The following SPIRE2 variants were observed in gnomAD, a reference collection of about 807,000 sequenced individuals.
SPIRE2 encodes protein spire homolog 2.
Under a neutral mutation model 80.7 loss-of-function variants are expected in SPIRE2, and 76 were observed. The observed-to-expected ratio is 0.94, with a 90% CI of 0.78 to 1.14. SPIRE2 has a LOEUF of 1.14. Ranked by LOEUF, SPIRE2 falls within the 50% of genes most tolerant of loss-of-function variation. The pLI is 0.00. For synonymous variants in SPIRE2, 535 were observed against 432.6 expected, an observed-to-expected ratio of 1.24 and a Z score of -2.94; for missense variants, 1,196 against 1,015.3, an observed-to-expected ratio of 1.18 and a Z score of -2.42.
chr16:89,835,145 C>T (rs1395940452), intron 1 of SPIRE2, among the ~76,000 whole-genome samples: 1 of 150,472 alleles, frequency 6.6e-6, no homozygotes, highest in East Asian at 2.0e-4. Context: ...CCTGCCCGCA[C>T]TCACGGTTGG....
Position 89,828,811 on chromosome 16 carries a change from G to A in SPIRE2, c.244+17G>A. On this transcript the variant is annotated intron_variant, in intron 1 of 14. Coordinates refer to ENST00000378247, the MANE Select transcript of SPIRE2 (RefSeq NM_032451.2). This position sits in a 1 kb window ranked among gnomAD's most constrained non-coding sequence, Gnocchi z 5.9. ...AGGCCGCGGGTGAGGCCGGGGGCGGGGCAGCCGGCGGGGACCGCGGTCTGG... is the reference window on the plus strand; with the variant it reads ...AGGCCGCGGGTGAGGCCGGGGGCGGAGCAGCCGGCGGGGACCGCGGTCTGG... 1 of 1,176,284 alleles carries A rather than the reference G, an allele frequency of 8.5e-7. No individual in the cohort carries two copies. The highest frequency in any genetic ancestry group is 1.1e-6 in the Non-Finnish European group (1 of 952,078). 72.9% of individuals were successfully genotyped at this position (1,176,284 alleles called of 1,614,324 possible).
At chr16:89,868,307 C>T in intron 13 of SPIRE2, 91 bp downstream of exon 13, 1 of 1,266,096 alleles carries the variant, frequency 7.9e-7, no homozygotes. Flanking sequence ...TGCTGCCTCA[C>T]CAGGCACCTC....
chr16:89,858,654 TAGG>T lies in SPIRE2; in HGVS notation c.1272+154_1272+156del, dbSNP rs531308172. ...CTCCCTTGAAACTGACATCCTGCCG[TAGG>T]AGGAGGCCTGTGGGGATCGGGGACC... On this transcript the variant is annotated intron_variant, in intron 8 of 14. Transcript: ENST00000378247. The T allele has an allele frequency of 2.1e-5, 16 of 767,138 alleles. No individual in the cohort carries two copies. The Middle Eastern group carries it at 1.5e-3, about 74-fold the overall frequency. The allele number at this position is 767,138 out of a possible 1,614,324, so 47.5% of individuals were successfully genotyped here. A position where few individuals can be genotyped will look rare whatever the true frequency, so the allele number is the denominator to read the frequency against.
intron 2 of SPIRE2, among the ~76,000 whole-genome samples, chr16:89,849,416 C>A (rs2041599650): frequency 6.6e-6 from 1 of 152,150 alleles, no homozygotes; most frequent in South Asian, 2.1e-4. Flanking sequence ...ACGTGATGTG[C>A]AGGGCCCGGC....
At chr16:89,837,040 T>C (rs1414298874) in intron 1 of SPIRE2, among the ~76,000 whole-genome samples, 1 of 152,080 alleles carries the variant, frequency 6.6e-6, no homozygotes, top group Non-Finnish European at 1.5e-5. Context: ...TCTGTAGGTC[T>C]TTGCAGGCCC....
chr16:89,869,758 G>A (rs1268053736), intron 14 of SPIRE2, 76 bp downstream of exon 14: 2 of 1,175,188 alleles, frequency 1.7e-6, no homozygotes, highest in Middle Eastern at 4.0e-4. Flanking sequence ...GGGGTGGAGG[G>A]GGCTGGCTTT....
At chr16:89,859,379 A>C in intron 9 of SPIRE2, 25 bp downstream of exon 9, 1 of 1,425,292 alleles carries the variant, frequency 7.0e-7, no homozygotes, top group Non-Finnish European at 9.2e-7. Context: ...TCACCCCCGT[A>C]CCCTCCTTCG....
chr16:89,848,318 G>A (rs2041583757), intron 2 of SPIRE2, among the ~76,000 whole-genome samples: 1 of 152,244 alleles, frequency 6.6e-6, no homozygotes, highest in South Asian at 2.1e-4. Flanking sequence ...CTTGATTCTA[G>A]GATGTGTCTT....
At chr16:89,831,767 G>C (rs2041385703) in intron 1 of SPIRE2, among the ~76,000 whole-genome samples, 1 of 151,070 alleles carries the variant, frequency 6.6e-6, no homozygotes, top group African/African-American at 2.4e-5. Context: ...TGGTCCTCCA[G>C]GTATCCCCCG....
At chr16:89,852,681 T>C (rs76254648) in intron 3 of SPIRE2, among the ~76,000 whole-genome samples, 6 of 43,232 alleles carry the variant, frequency 1.4e-4, no homozygotes, top group Admixed American at 3.2e-4. Context: ...ATCCGTCTTC[T>C]CTCTCACCCC....
Position 89,868,355 on chromosome 16 carries a change from T to C in SPIRE2, c.1806+139T>C, listed in dbSNP as rs1451320092. The C allele has an allele frequency of 3.2e-6, 3 of 924,084 alleles. No homozygotes were observed. The African/African-American group carries it at 5.0e-5, about 15-fold the overall frequency. 57.2% of individuals were successfully genotyped at this position (924,084 alleles called of 1,614,324 possible). ...TCAGGCAGAATCCATTCCTATACTTTCCAAGATAGTGTGCAGTTTTTAAAG... is the reference window on the plus strand; with the variant it reads ...TCAGGCAGAATCCATTCCTATACTTCCCAAGATAGTGTGCAGTTTTTAAAG... On this transcript the variant is annotated intron_variant, in intron 13 of 14. Transcript: ENST00000378247.
intron 12 of SPIRE2, 89 bp from the exon 13 acceptor site, chr16:89,868,100 C>T (rs1187249887): frequency 9.1e-6 from 13 of 1,424,456 alleles, no homozygotes; most frequent in South Asian, 4.6e-5. Flanking sequence ...GGTTTGACCT[C>T]GGATGCGTGG....
Position 89,870,034 on chromosome 16 carries a change from C to T in SPIRE2, c.1923-16C>T. 4 of 1,607,228 alleles carry T rather than the reference C, an allele frequency of 2.5e-6. No homozygotes were observed. The highest frequency in any genetic ancestry group is 2.7e-5 in the African/African-American group (2 of 74,886). ...TGGCTGGCTCCTCTCCCTGAGTGCCCTCTCCCACTTCCCAGGTCTCTGCAA... is the reference window on the plus strand; with the variant it reads ...TGGCTGGCTCCTCTCCCTGAGTGCCTTCTCCCACTTCCCAGGTCTCTGCAA... On this transcript the variant is annotated splice_polypyrimidine_tract_variant and intron_variant, in intron 14 of 14. Transcript: ENST00000378247.
At chr16:89,856,649 G>A (rs901378030) in intron 7 of SPIRE2, among the ~76,000 whole-genome samples, 2 of 149,274 alleles carry the variant, frequency 1.3e-5, no homozygotes, top group Non-Finnish European at 3.0e-5. Context: ...TAGTAGAGAC[G>A]GGGTTTCACC....
In SPIRE2 at chr16:89,842,229, T is replaced by TTTTTTTTTTTC. The variant is rs1299656862; in HGVS notation, c.245-3092_245-3091insTTTTTTTTTCT. On this transcript the variant is annotated intron_variant, in intron 1 of 14. Transcript: ENST00000378247. Reference sequence around the variant, plus strand: ...CGTAATTTTTTTTTTTTTTTTTTTTTTGTGACGGAGTCTCACTCTGTTGCC... The same window carrying TTTTTTTTTTTC: ...CGTAATTTTTTTTTTTTTTTTTTTTTTTTTTTTTTTCTGTGACGGAGTCTCACTCTGTTGCC... 3.6e-5 allele frequency among the ~76,000 whole-genome samples: 5 copies of TTTTTTTTTTTC among 137,480 alleles called. 1 individual carries two copies. Among genetic ancestry groups the TTTTTTTTTTTC allele is most frequent in the African/African-American group, 1.2e-4 (4 of 33,044 alleles). 90.2% of individuals were successfully genotyped at this position (137,480 alleles called of 152,430 possible). A position where few individuals can be genotyped will look rare whatever the true frequency, so the allele number is the denominator to read the frequency against.
chr16:89,860,980 G>C (rs910767887), intron 10 of SPIRE2, among the ~76,000 whole-genome samples, 185 bp downstream of exon 10: 1 of 152,144 alleles, frequency 6.6e-6, no homozygotes, highest in African/African-American at 2.4e-5. Context: ...GTCTGGGGCC[G>C]TGGTCTCTGC....
At chr16:89,837,713 G>A (rs2041463697) in intron 1 of SPIRE2, among the ~76,000 whole-genome samples, 1 of 152,088 alleles carries the variant, frequency 6.6e-6, no homozygotes, top group Admixed American at 6.6e-5. Context: ...CCGGACTCGG[G>A]TCTCCGCAGG....
At chr16:89,836,047 C>T (rs1182399005) in intron 1 of SPIRE2, among the ~76,000 whole-genome samples, 5 of 152,124 alleles carry the variant, frequency 3.3e-5, no homozygotes, top group Admixed American at 6.6e-5. Flanking sequence ...TGGTGGCGGG[C>T]GTCTGTAGTC....
chr16:89,845,419 A>T, intron 2 of SPIRE2, 54 bp downstream of exon 2: 12 of 1,434,886 alleles, frequency 8.4e-6, no homozygotes, highest in Non-Finnish European at 1.2e-5. Flanking sequence ...ACGTACCTGC[A>T]TCTTAAAATG....
Sources: allele counts gnomAD v4.1 joint callset (sites outside exome capture counted in the v4.1 genomes callset), GRCh38; gene constraint gnomAD v4.1.1; non-coding constraint Gnocchi (gnomAD v3.1); transcripts MANE v1.5; gene names NCBI Gene and HGNC (gene_info 2026-07-23, HGNC 2026-07-21).